PIK3CB: variants seen among roughly 807,000 people sequenced by gnomAD.
The protein encoded by PIK3CB is phosphatidylinositol 4,5-bisphosphate 3-kinase catalytic subunit beta isoform.
PIK3CB carries 39 observed loss-of-function variants against 136.8 expected under a neutral mutation model. The ratio of observed to expected loss-of-function variants is 0.29; its 90% CI spans 0.22 to 0.37. PIK3CB has a LOEUF of 0.37. Ranked by LOEUF, PIK3CB falls within the 10% of genes least tolerant of loss-of-function variation. The pLI is 1.00. For synonymous variants in PIK3CB, 428 were observed against 436.6 expected (o/e 0.98, Z 0.25); for missense variants, 868 against 1,275.4 (o/e 0.68, Z 4.87).
At chr3:138,727,587 G>A (rs1218769624) in intron 8 of PIK3CB, among the ~76,000 whole-genome samples, 2 of 152,214 alleles carry the variant, frequency 1.3e-5, no homozygotes, top group African/African-American at 4.8e-5. Flanking sequence ...CAGTTCAGAA[G>A]CAGACTCTTT....
At chr3:138,774,829 T>C (rs1474328950) in intron 2 of PIK3CB, among the ~76,000 whole-genome samples, 2 of 152,234 alleles carry the variant, frequency 1.3e-5, no homozygotes, top group Non-Finnish European at 2.9e-5. Context: ...TGAATTCTTT[T>C]AGTTATTTCT....
At chr3:138,690,652 A>G (rs2043987961) in intron 15 of PIK3CB, among the ~76,000 whole-genome samples, 4 of 152,074 alleles carry the variant, frequency 2.6e-5, no homozygotes. Flanking sequence ...TAAGACAATA[A>G]GTACACTTTA....
intron 2 of PIK3CB, among the ~76,000 whole-genome samples, chr3:138,792,172 G>C (rs2078962734): frequency 1.3e-5 from 2 of 152,046 alleles, no homozygotes; most frequent in South Asian, 4.2e-4. Flanking sequence ...TCCAGCCTGG[G>C]CAACAAAGTG....
At chr3:138,737,257 G>A (rs191636929) in intron 6 of PIK3CB, among the ~76,000 whole-genome samples, 1 of 151,828 alleles carries the variant, frequency 6.6e-6, no homozygotes, top group African/African-American at 2.4e-5. Flanking sequence ...GCTGGGCATG[G>A]TGGCGCACAC....
chr3:138,815,139 C>CA (rs71637082), intron 1 of PIK3CB, among the ~76,000 whole-genome samples: 686 of 38,122 alleles, frequency 0.018, 33 homozygotes, highest in African/African-American at 0.021. Flanking sequence ...GACTCCGTCT[C>CA]AAAAAAAAAA....
At chr3:138,806,056 C>G (rs2046231020) in intron 1 of PIK3CB, among the ~76,000 whole-genome samples, 1 of 151,866 alleles carries the variant, frequency 6.6e-6, no homozygotes, top group Admixed American at 6.6e-5. Context: ...AGGATTCTTC[C>G]CCTTACAAAA....
intron 2 of PIK3CB, among the ~76,000 whole-genome samples, chr3:138,776,106 G>A (rs1158615873): frequency 6.6e-6 from 1 of 152,060 alleles, no homozygotes; most frequent in Non-Finnish European, 1.5e-5. Flanking sequence ...GCTGAGGCAG[G>A]AGGATCACCT....
At chr3:138,703,985 A>G (rs1014356633) in intron 12 of PIK3CB, among the ~76,000 whole-genome samples, 1 of 152,200 alleles carries the variant, frequency 6.6e-6, no homozygotes, top group African/African-American at 2.4e-5. Context: ...AATATAGTAA[A>G]GTAGGAAGCT....
At chr3:138,781,358 A>C (rs1432789228) in intron 2 of PIK3CB, among the ~76,000 whole-genome samples, 1 of 151,870 alleles carries the variant, frequency 6.6e-6, no homozygotes, top group Non-Finnish European at 1.5e-5. Context: ...TCATAGCTGT[A>C]ATCTTAGCAC....
intron 5 of PIK3CB, among the ~76,000 whole-genome samples, chr3:138,740,475 A>T (rs1445205069): frequency 1.3e-5 from 2 of 152,204 alleles, no homozygotes; most frequent in Non-Finnish European, 1.5e-5. Flanking sequence ...AGACTAAGAC[A>T]GTGTCACACA....
chr3:138,685,621 T>A (rs915156761), intron 16 of PIK3CB, among the ~76,000 whole-genome samples: 1 of 152,098 alleles, frequency 6.6e-6, no homozygotes, highest in African/African-American at 2.4e-5. Flanking sequence ...ATCACTCTTG[T>A]ATGATATCTC....
chr3:138,783,311 C>T (rs138402415), intron 2 of PIK3CB, among the ~76,000 whole-genome samples: 2,023 of 150,940 alleles, frequency 0.013, 18 homozygotes, highest in Non-Finnish European at 0.021. Flanking sequence ...GGACAGAGTC[C>T]CACTCTGCCA....
chr3:138,662,288 A>T (rs2043312878), intron 21 of PIK3CB, among the ~76,000 whole-genome samples: 1 of 118,000 alleles, frequency 8.5e-6, no homozygotes. Context: ...CAGTCCCCAG[A>T]GTGTGATGTT....
At chr3:138,822,500 T>C (rs1933601042) in intron 1 of PIK3CB, among the ~76,000 whole-genome samples, 1 of 150,542 alleles carries the variant, frequency 6.6e-6, no homozygotes, top group African/African-American at 2.4e-5. Context: ...CACGACACTG[T>C]ACTCCAGCCT....
intron 14 of PIK3CB, among the ~76,000 whole-genome samples, chr3:138,691,876 A>G (rs141948080): frequency 5.3e-5 from 8 of 152,324 alleles, no homozygotes; most frequent in African/African-American, 1.9e-4. Context: ...TAAAACAATC[A>G]TTTTTAAAAT....
chr3:138,797,601 C>A (rs1476425112), intron 1 of PIK3CB, among the ~76,000 whole-genome samples: 1 of 152,100 alleles, frequency 6.6e-6, no homozygotes, highest in Non-Finnish European at 1.5e-5. Flanking sequence ...TTTCGAAGTA[C>A]ATAAAGCTGA....
intron 16 of PIK3CB, among the ~76,000 whole-genome samples, chr3:138,685,313 T>C (rs920333609): frequency 1.4e-5 from 2 of 145,078 alleles, no homozygotes; most frequent in African/African-American, 5.3e-5. Context: ...AGAATCGCTT[T>C]AACCTTGGAG....
Position 138,825,024 on chromosome 3 carries a change from G to A in PIK3CB, c.-122+9671C>T, listed in dbSNP as rs112240647. On this transcript the variant is annotated intron_variant, in intron 1 of 23. Coordinates refer to ENST00000674063, the MANE Select transcript of PIK3CB (RefSeq NM_006219.3). ...TGCAGTGGGCCACGATTGCACCACT[G>A]CACTCCAATCTGGGTGACAGAGTGA... 226 of 224,894 alleles carry A rather than the reference G, an allele frequency of 1.0e-3. 2 individuals are homozygous for A. The highest frequency in any genetic ancestry group is 5.1e-3 in the African/African-American group (221 of 43,564). The allele number at this position is 224,894 out of a possible 1,614,324, so 13.9% of individuals were successfully genotyped here. A position where few individuals can be genotyped will look rare whatever the true frequency, so the allele number is the denominator to read the frequency against.
At chr3:138,656,093 G>A (rs755397952) in intron 23 of PIK3CB, 49 bp downstream of exon 23, 57 of 1,596,822 alleles carry the variant, frequency 3.6e-5, no homozygotes, top group Non-Finnish European at 4.7e-5. Flanking sequence ...AGCTAAAACT[G>A]AGCTCAATGC....
Sources: gnomAD v4.1 joint callset for allele counts (sites outside exome capture counted in the v4.1 genomes callset) on GRCh38, gnomAD v4.1.1 for gene constraint, MANE v1.5 for transcripts, NCBI Gene and HGNC (gene_info 2026-07-23, HGNC 2026-07-21) for gene names.